Variants in MKX observed in about 807,000 individuals in gnomAD.
MKX encodes homeobox protein Mohawk.
Under a neutral mutation model 36.0 loss-of-function variants are expected in MKX, and 13 were observed. The ratio of observed to expected loss-of-function variants is 0.36; its 90% confidence interval spans 0.24 to 0.57. The LOEUF (loss-of-function observed/expected upper bound fraction) is 0.57. Ranked by LOEUF, MKX falls within the 20% of genes least tolerant of loss-of-function variation. The probability of loss-of-function intolerance (pLI) is 0.79; values close to 1 mark genes in which losing one functional copy is unlikely to be tolerated. For synonymous variants in MKX, 176 were observed against 178.3 expected (o/e 0.99, Z 0.10); for missense variants, 458 against 456.4 (o/e 1.00, Z -0.03).
chr10:27,735,955 A>G (rs952922005), intron 3 of MKX, among the ~76,000 whole-genome samples: 5 of 152,212 alleles, frequency 3.3e-5, no homozygotes, highest in African/African-American at 9.6e-5. Context: ...AGAGAAGGGT[A>G]GTGCATTTGG....
At chr10:27,675,599 TC>T in intron 5 of MKX, 45 bp from the exon 6 acceptor site, 1 of 1,566,238 alleles carries the variant, frequency 6.4e-7, no homozygotes, top group South Asian at 1.1e-5. Flanking sequence ...GTTTTTCCTT[TC>T]TTTTCTCATC....
At chr10:27,721,912 G>C (rs1407467582) in intron 5 of MKX, among the ~76,000 whole-genome samples, 1 of 152,092 alleles carries the variant, frequency 6.6e-6, no homozygotes, top group Non-Finnish European at 1.5e-5. Flanking sequence ...AATCAATAAG[G>C]AAAGGTAGAA....
intron 5 of MKX, among the ~76,000 whole-genome samples, chr10:27,689,454 G>C (rs1836415273): frequency 6.6e-6 from 1 of 152,134 alleles, no homozygotes; most frequent in Non-Finnish European, 1.5e-5. Flanking sequence ...TATGTTTAAA[G>C]GTTCTGCAAT....
intron 5 of MKX, among the ~76,000 whole-genome samples, chr10:27,687,659 C>T (rs1589657150): frequency 6.6e-6 from 1 of 152,200 alleles, no homozygotes; most frequent in South Asian, 2.1e-4. Context: ...ACCCAGTGAT[C>T]GTTTTCACTA....
intron 5 of MKX, among the ~76,000 whole-genome samples, chr10:27,686,889 C>G (rs1256180218): frequency 2.0e-5 from 3 of 152,170 alleles, no homozygotes; most frequent in Non-Finnish European, 4.4e-5. Context: ...CTCATGATGG[C>G]TAATGATACC....
At chr10:27,690,197 C>T (rs1172769898) in intron 5 of MKX, among the ~76,000 whole-genome samples, 2 of 152,066 alleles carry the variant, frequency 1.3e-5, no homozygotes, top group Admixed American at 1.3e-4. Context: ...ATGGTGAAAC[C>T]CCGTCTCTAC....
At chr10:27,685,593 C>G (rs979146522) in intron 5 of MKX, among the ~76,000 whole-genome samples, 1 of 151,970 alleles carries the variant, frequency 6.6e-6, no homozygotes, top group Non-Finnish European at 1.5e-5. Context: ...GGACTACAGG[C>G]GCCCGCCACC....
At chr10:27,714,519 T>C (rs1268561606) in intron 5 of MKX, among the ~76,000 whole-genome samples, 1 of 152,226 alleles carries the variant, frequency 6.6e-6, no homozygotes, top group Non-Finnish European at 1.5e-5. Flanking sequence ...GACAACATTT[T>C]TGTGGTTTCG....
In MKX at chr10:27,674,914, C is replaced by A. The variant is rs1836113968; in HGVS notation, c.*315G>T. On this transcript the variant is annotated 3_prime_UTR_variant, in exon 7 of 7. Transcript: ENST00000419761. The stretch of plus-strand genomic sequence containing the variant: ...CAGGCTAATAAGCATATGGCGTTGG[C>A]ATTTTGAGGCATAGCTTGTTCAACT... The A allele has an allele frequency of 4.3e-6, 1 of 230,028 alleles. No individual in the cohort carries two copies. The highest frequency in any genetic ancestry group is 2.3e-5 in the African/African-American group (1 of 43,202). The allele number at this position is 230,028 out of a possible 1,614,324, so 14.2% of individuals were successfully genotyped here.
chr10:27,743,909 C>T (rs1454175925), intron 1 of MKX, among the ~76,000 whole-genome samples: 1 of 152,114 alleles, frequency 6.6e-6, no homozygotes, highest in Non-Finnish European at 1.5e-5. Flanking sequence ...AGACTAAAGC[C>T]TCTAGGAACC....
chr10:27,737,222 G>A (rs930181019), intron 3 of MKX, among the ~76,000 whole-genome samples: 6 of 152,074 alleles, frequency 3.9e-5, no homozygotes, highest in South Asian at 2.1e-4. Context: ...ATCTTCATCC[G>A]ACTACTTTAT....
chr10:27,679,538 C>T (rs1836215359), intron 5 of MKX, among the ~76,000 whole-genome samples: 2 of 152,210 alleles, frequency 1.3e-5, no homozygotes, highest in Admixed American at 6.5e-5. Context: ...GTGCCACCTC[C>T]TGTGGAGTAA....
intron 5 of MKX, among the ~76,000 whole-genome samples, chr10:27,714,009 CAAA>C (rs10632508): frequency 0.1 from 10,598 of 102,558 alleles, 1,128 homozygotes; most frequent in African/African-American, 0.25. Context: ...GTGCAAAGAC[CAAA>C]AAAAAAAAAA....
intron 5 of MKX, among the ~76,000 whole-genome samples, chr10:27,703,272 G>A (rs1264995568): frequency 6.6e-6 from 1 of 152,162 alleles, no homozygotes; most frequent in Non-Finnish European, 1.5e-5. Flanking sequence ...CCTTGAAACA[G>A]CCCTGGGAGG....
intron 5 of MKX, among the ~76,000 whole-genome samples, chr10:27,729,101 A>G (rs987757667): frequency 6.6e-6 from 1 of 152,184 alleles, no homozygotes; most frequent in Non-Finnish European, 1.5e-5. Flanking sequence ...ATTAATTCAT[A>G]CTAACATAGA....
intron 5 of MKX, among the ~76,000 whole-genome samples, chr10:27,685,927 T>C (rs1836340055): frequency 6.6e-6 from 1 of 152,156 alleles, no homozygotes; most frequent in Non-Finnish European, 1.5e-5. Context: ...AGAGAAATCA[T>C]TCTAAGTGAT....
chr10:27,682,951 T>G (rs1836281176), intron 5 of MKX, among the ~76,000 whole-genome samples: 1 of 149,156 alleles, frequency 6.7e-6, no homozygotes, highest in African/African-American at 2.5e-5. Flanking sequence ...GCCACTGCAC[T>G]CCAGCCTGGG....
rs1378699180 is a variant in MKX at position 27,734,710 on chromosome 10, T to G, written c.584A>C (p.Asn195Thr). The G allele has an allele frequency of 6.2e-7, 1 of 1,614,048 alleles. No individual in the cohort carries two copies. The highest frequency in any genetic ancestry group is 8.5e-7 in the Non-Finnish European group (1 of 1,180,038). ...PVHHPVIKSE[N>T]SVIKAGVRPE... ...CCTCACTCCCGCTTTGATGACCGAA[T>G]TCTCACTTTTAATCACAGGATGGTG... The change falls in exon 5 of 7, where the codon AAT (asparagine) becomes ACT (threonine). Residue 195 changes from asparagine to threonine, a missense_variant. Asn to Thr is a moderately conservative substitution (Grantham distance 65). Around this residue, in one of 3 missense-constraint regions of MKX, gnomAD observed 297 missense variants for 304.4 expected, o/e 0.98. Transcript: ENST00000419761.
chr10:27,692,337 A>G (rs186052690), intron 5 of MKX, among the ~76,000 whole-genome samples: 127 of 152,356 alleles, frequency 8.3e-4, no homozygotes, highest in African/African-American at 2.6e-3. Flanking sequence ...TTGCTAGGCT[A>G]TGACATATAA....
Sources: gnomAD v4.1 joint callset for allele counts (sites outside exome capture counted in the v4.1 genomes callset) on GRCh38, gnomAD v4.1.1 for gene constraint, gnomAD v4.1.1 regional missense constraint, MANE v1.5 for transcripts, NCBI Gene and HGNC (gene_info 2026-07-23, HGNC 2026-07-21) for gene names.